Variants in ADCY3 observed in about 807,000 individuals in gnomAD.
The protein encoded by ADCY3 is adenylate cyclase 3.
A neutral mutation model predicts 119.4 loss-of-function variants in ADCY3; 70 were observed. That is an observed-to-expected ratio of 0.59 (90% CI 0.48 to 0.72). The LOEUF (loss-of-function observed/expected upper bound fraction) is 0.72, where lower values mean the gene tolerates loss of function less well. ADCY3 is among the 30% of genes least tolerant of loss of function. The pLI, the probability that ADCY3 is intolerant of heterozygous loss-of-function variation, is 0.00. For synonymous variants in ADCY3, 672 were observed against 621.4 expected (o/e 1.08, Z -1.21); for missense variants, 1,238 against 1,541.6 (o/e 0.80, Z 3.30).
intron 21 of ADCY3, 152 bp downstream of exon 21, chr2:24,820,572 T>G: frequency 6.9e-7 from 1 of 1,445,446 alleles, no homozygotes; most frequent in Non-Finnish European, 9.2e-7. Flanking sequence ...AGGCTAGCTA[T>G]TGCAGAGATT....
intron 11 of ADCY3, chr2:24,832,307 C>A (rs897515245): frequency 6.4e-6 from 1 of 157,414 alleles, no homozygotes; most frequent in Non-Finnish European, 1.4e-5. Context: ...TGGGCACAGC[C>A]CAGGATAAAC....
intron 3 of ADCY3, among the ~76,000 whole-genome samples, chr2:24,846,821 C>T (rs1248217441): frequency 6.6e-6 from 1 of 152,180 alleles, no homozygotes; most frequent in Non-Finnish European, 1.5e-5. Context: ...TCAGGTGATT[C>T]ACTCGCCTCA....
chr2:24,833,044 ATCC>A (rs1669805921), intron 11 of ADCY3, among the ~76,000 whole-genome samples: 1 of 152,124 alleles, frequency 6.6e-6, no homozygotes, highest in African/African-American at 2.4e-5. Flanking sequence ...CCAACCACTG[ATCC>A]TCCTCTATCC....
chr2:24,897,550 C>T (rs2148969524), intron 2 of ADCY3, among the ~76,000 whole-genome samples: 1 of 152,302 alleles, frequency 6.6e-6, no homozygotes, highest in East Asian at 1.9e-4. Flanking sequence ...TGACACAGTG[C>T]CCGGCGCGAA....
At chr2:24,845,609 T>C (rs756231589) in intron 3 of ADCY3, among the ~76,000 whole-genome samples, 2 of 152,178 alleles carry the variant, frequency 1.3e-5, no homozygotes, top group African/African-American at 2.4e-5. Context: ...GGAAACAGCA[T>C]AAAAATTTGG....
chr2:24,917,127 T>C (rs1240341564), intron 2 of ADCY3, among the ~76,000 whole-genome samples: 1 of 152,230 alleles, frequency 6.6e-6, no homozygotes, highest in Non-Finnish European at 1.5e-5. Flanking sequence ...TGGAAGATTC[T>C]GTCTGTCCAC....
At chr2:24,826,899 G>T (rs1326125217) in intron 15 of ADCY3, among the ~76,000 whole-genome samples, 1 of 152,206 alleles carries the variant, frequency 6.6e-6, no homozygotes, top group African/African-American at 2.4e-5. Context: ...AGGAGTGTAA[G>T]AGTTACTATT....
rs375448833 is a variant in ADCY3, at chr2:24,834,781, G to A, written c.1805+13C>T. 54 of 1,611,188 alleles carry A rather than the reference G, an allele frequency of 3.4e-5. No individual in the cohort carries two copies. The East Asian group carries it at 4.9e-4, about 15-fold the overall frequency. On this transcript the variant is annotated intron_variant, in intron 10 of 21. Coordinates refer to ENST00000679454, the MANE Select transcript of ADCY3 (RefSeq NM_004036.5). This position sits in a 1 kb window ranked among gnomAD's most constrained non-coding sequence, Gnocchi z 4.2. ...AGGAGTGGTGGGCCTGGACGCTTCC[G>A]GGTGGCGCTTACACTTGGGCGGACT...
chr2:24,871,103 A>G (rs1674955678), intron 3 of ADCY3, among the ~76,000 whole-genome samples: 1 of 151,266 alleles, frequency 6.6e-6, no homozygotes, highest in Admixed American at 6.6e-5. Flanking sequence ...ATATAAAAAG[A>G]ATGCTCGCCT....
chr2:24,831,665 G>C lies in ADCY3; in HGVS notation c.2052C>G (p.Pro684=). 6.2e-7 allele frequency: 1 copy of C among 1,613,720 alleles called. No individual in the cohort carries two copies. Among genetic ancestry groups the C allele is most frequent in the South Asian group, 1.1e-5 (1 of 91,022 alleles). ...TCAGTAGAAAAGTGCCTCTTACCCGGGGAAAGATGGCAGCCAGGGAGCAGA... is the reference window on the plus strand; with the variant it reads ...TCAGTAGAAAAGTGCCTCTTACCCGCGGAAAGATGGCAGCCAGGGAGCAGA... The part of the protein sequence containing the change: ...LTICSLAAIF[P]RAFPKKLVAF... The change falls in exon 12 of 22, where the codon CCC becomes CCG. Residue 684 remains proline (P), a synonymous_variant. Transcript: ENST00000679454.
intron 3 of ADCY3, among the ~76,000 whole-genome samples, chr2:24,866,564 C>CA (rs71397449): frequency 0.52 from 24,314 of 46,492 alleles, 6,261 homozygotes; most frequent in Admixed American, 0.6. Context: ...GACCCTGTCT[C>CA]AAAAAAAAAA....
intron 2 of ADCY3, among the ~76,000 whole-genome samples, chr2:24,884,719 T>G (rs1483784821): frequency 1.3e-5 from 2 of 151,956 alleles, no homozygotes; most frequent in Non-Finnish European, 2.9e-5. Flanking sequence ...TCAAGTGATC[T>G]GCCCGCCTTG....
intron 20 of ADCY3, 187 bp downstream of exon 20, chr2:24,821,330 T>C (rs1572768436): frequency 1.3e-6 from 1 of 756,660 alleles, no homozygotes; most frequent in Admixed American, 2.9e-5. Context: ...ATCAGCTGGG[T>C]TTTTGGTTTA....
chr2:24,912,535 C>T (rs1325456276), intron 2 of ADCY3, among the ~76,000 whole-genome samples: 1 of 150,426 alleles, frequency 6.6e-6, no homozygotes, highest in Non-Finnish European at 1.5e-5. Context: ...CAGACCAAGC[C>T]CAGGAGTGAG....
At chr2:24,886,543 C>T (rs1677052859) in intron 2 of ADCY3, among the ~76,000 whole-genome samples, 1 of 152,238 alleles carries the variant, frequency 6.6e-6, no homozygotes, top group Non-Finnish European at 1.5e-5. Flanking sequence ...CCAGTCACCT[C>T]ACTCTGCCCT....
At chr2:24,824,237 T>C (rs879044940) in intron 17 of ADCY3, 141 bp downstream of exon 17, 1 of 1,036,860 alleles carries the variant, frequency 9.6e-7, no homozygotes, top group Non-Finnish European at 1.4e-6. Context: ...TGCTTATTTG[T>C]GTTTGCTGTT....
chr2:24,835,952 C>T (rs1670271864), intron 9 of ADCY3, among the ~76,000 whole-genome samples: 1 of 149,538 alleles, frequency 6.7e-6, no homozygotes, highest in Non-Finnish European at 1.5e-5. Context: ...AAAAAAAAGA[C>T]TCCCTGGTCT....
At chr2:24,902,241 T>G (rs575116828) in intron 2 of ADCY3, among the ~76,000 whole-genome samples, 65 of 151,678 alleles carry the variant, frequency 4.3e-4, no homozygotes, top group African/African-American at 1.5e-3. Flanking sequence ...CCACCACGCC[T>G]GGCTAATTTT....
intron 3 of ADCY3, among the ~76,000 whole-genome samples, chr2:24,852,945 A>G (rs906232313): frequency 1.3e-5 from 2 of 151,506 alleles, no homozygotes; most frequent in Non-Finnish European, 2.9e-5. Context: ...ACACCTGTGC[A>G]CCTGAGGTTT....
Sources: gnomAD v4.1 joint callset for allele counts (sites outside exome capture counted in the v4.1 genomes callset) on GRCh38, gnomAD v4.1.1 for gene constraint, Gnocchi (gnomAD v3.1) non-coding constraint, MANE v1.5 for transcripts, NCBI Gene and HGNC (gene_info 2026-07-23, HGNC 2026-07-21) for gene names.